RDX: variants seen among roughly 807,000 people sequenced by gnomAD.
The protein encoded by RDX is radixin.
Under a neutral mutation model 83.7 loss-of-function variants are expected in RDX, and 32 were observed. The ratio of observed to expected loss-of-function variants is 0.38; its 90% confidence interval spans 0.29 to 0.51. The LOEUF (loss-of-function observed/expected upper bound fraction) is 0.51, where lower values mean the gene tolerates loss of function less well. Among genes scored for constraint, RDX ranks in the 20% least tolerant of loss-of-function variants. The pLI is 0.87. For missense variants in RDX, 600 were observed against 689.9 expected (o/e 0.87, Z 1.46); for synonymous variants, 229 against 222.7 (o/e 1.03, Z -0.25).
chr11:110,275,573 T>C (rs1026406645), intron 2 of RDX, among the ~76,000 whole-genome samples: 2 of 152,190 alleles, frequency 1.3e-5, no homozygotes, highest in African/African-American at 4.8e-5. Context: ...CTTATTTTTC[T>C]ATTGGGTTGT....
At chr11:110,242,015 T>C (rs887255979) in intron 10 of RDX, among the ~76,000 whole-genome samples, 4 of 151,552 alleles carry the variant, frequency 2.6e-5, no homozygotes, top group Non-Finnish European at 5.9e-5. Context: ...TTGCCAGGGG[T>C]TGTGGGGAGG....
chr11:110,274,405 A>G (rs1860430056), intron 2 of RDX, among the ~76,000 whole-genome samples: 2 of 152,048 alleles, frequency 1.3e-5, no homozygotes, highest in African/African-American at 4.8e-5. Flanking sequence ...ATTTTTCTTG[A>G]TTTTTAGCTG....
chr11:110,224,780 T>C (rs1380043353), downstream of RDX, among the ~76,000 whole-genome samples: 2 of 152,234 alleles, frequency 1.3e-5, no homozygotes, highest in East Asian at 1.9e-4. Flanking sequence ...ATTTCCTTTA[T>C]CAGAATTTCC....
At chr11:110,180,002 A>G (rs1189291777) in intron 15 of RDX, 4 of 341,374 alleles carry the variant, frequency 1.2e-5, no homozygotes, top group East Asian at 7.8e-5. Flanking sequence ...CACAGGTTCA[A>G]GCGATTCTCC....
intron 14 of RDX, among the ~76,000 whole-genome samples, chr11:110,207,537 A>C (rs1049970597): frequency 6.6e-6 from 1 of 152,188 alleles, no homozygotes; most frequent in African/African-American, 2.4e-5. Flanking sequence ...GTTTTTAAAA[A>C]CCTTTAACTC....
chr11:110,294,174 G>A (rs1372161778), intron 1 of RDX, among the ~76,000 whole-genome samples: 1 of 152,206 alleles, frequency 6.6e-6, no homozygotes, highest in Non-Finnish European at 1.5e-5. Context: ...CGGGCAGAAC[G>A]CCGGAGGTCC....
chr11:110,241,425 T>C (rs918318209), intron 10 of RDX, among the ~76,000 whole-genome samples: 1 of 151,750 alleles, frequency 6.6e-6, no homozygotes, highest in Non-Finnish European at 1.5e-5. Flanking sequence ...GCCTCCGGAG[T>C]AGCTGGGATT....
At chr11:110,254,481 T>C (rs1859463803) in intron 8 of RDX, among the ~76,000 whole-genome samples, 1 of 151,408 alleles carries the variant, frequency 6.6e-6, no homozygotes. Flanking sequence ...CCTAGAATTG[T>C]TCTTTTTTTT....
chr11:110,254,194 A>G (rs1199812461), intron 8 of RDX, 85 bp from the exon 9 acceptor site: 9 of 1,029,028 alleles, frequency 8.7e-6, no homozygotes, highest in Non-Finnish European at 1.3e-5. Context: ...AACATGAGGT[A>G]TGAATTTTAA....
intron 14 of RDX, among the ~76,000 whole-genome samples, chr11:110,223,803 C>T (rs1187877585): frequency 6.6e-6 from 1 of 152,118 alleles, no homozygotes. Context: ...CAGTGGCTCA[C>T]GCCTGTAATC....
intron 14 of RDX, among the ~76,000 whole-genome samples, chr11:110,214,541 C>T (rs1456894287): frequency 4.7e-5 from 5 of 106,900 alleles, no homozygotes; most frequent in East Asian, 2.5e-4. Flanking sequence ...CACATGCACA[C>T]GTATGTTTAT....
At chr11:110,199,722 G>C in intron 14 of RDX, 1 of 702,924 alleles carries the variant, frequency 1.4e-6, no homozygotes. Context: ...TTTAGCAAAA[G>C]AACACAGTAG....
chr11:110,254,580 A>G (rs1321321239), intron 8 of RDX, among the ~76,000 whole-genome samples: 1 of 151,938 alleles, frequency 6.6e-6, no homozygotes, highest in Non-Finnish European at 1.5e-5. Context: ...GGTTCAAGAA[A>G]TTCTCATGTC....
intron 12 of RDX, among the ~76,000 whole-genome samples, chr11:110,235,446 T>C (rs7950729): frequency 0.46 from 70,497 of 151,986 alleles, 16,816 homozygotes; most frequent in East Asian, 0.61. Flanking sequence ...ATTCTCATTT[T>C]CACATCCTCA....
Position 110,236,203 on chromosome 11 carries a change from A to T in RDX, c.1252-12T>A. The T allele has an allele frequency of 6.3e-7, 1 of 1,593,128 alleles. No individual in the cohort carries two copies. The highest frequency in any genetic ancestry group is 8.6e-7 in the Non-Finnish European group (1 of 1,161,770). On this transcript the variant is annotated splice_polypyrimidine_tract_variant and intron_variant, in intron 11 of 13. Coordinates refer to ENST00000645495, the MANE Select transcript of RDX (RefSeq NM_002906.4). ...GCAAGTTCTGCTGCCTAAAGTAAACAATATAATTCCAAAATTAAAATAACA... is the reference window on the plus strand; with the variant it reads ...GCAAGTTCTGCTGCCTAAAGTAAACTATATAATTCCAAAATTAAAATAACA...
chr11:110,199,784 C>T (rs558661601), intron 14 of RDX: 38 of 693,064 alleles, frequency 5.5e-5, no homozygotes, highest in Admixed American at 2.6e-4. Flanking sequence ...AACATCAGGG[C>T]GCTCTTGTCA....
chr11:110,197,737 A>C (rs1380836638), intron 15 of RDX, among the ~76,000 whole-genome samples: 1 of 152,234 alleles, frequency 6.6e-6, no homozygotes, highest in African/African-American at 2.4e-5. Context: ...GAAATGGCTA[A>C]AGATAAATAG....
At chr11:110,225,661 T>C (rs1864407542), downstream of RDX, among the ~76,000 whole-genome samples, 1 of 152,130 alleles carries the variant, frequency 6.6e-6, no homozygotes, top group Non-Finnish European at 1.5e-5. Context: ...CAATTGTTAG[T>C]GAGGATGTGG....
At chr11:110,178,105 T>G (rs1862813043) in intron 15 of RDX, among the ~76,000 whole-genome samples, 1 of 152,128 alleles carries the variant, frequency 6.6e-6, no homozygotes. Context: ...GCACTCTGTT[T>G]CCTCCAGGCT....
Sources: allele counts gnomAD v4.1 joint callset (sites outside exome capture counted in the v4.1 genomes callset), GRCh38; gene constraint gnomAD v4.1.1; transcripts MANE v1.5; gene names NCBI Gene and HGNC (gene_info 2026-07-23, HGNC 2026-07-21).